SCEL: variants seen among roughly 807,000 people sequenced by gnomAD.
SCEL encodes the protein sciellin.
In SCEL, 113 loss-of-function variants were observed where a neutral mutation model predicts 117.6. The observed-to-expected ratio is 0.96, with a 90% CI of 0.83 to 1.12. The LOEUF is 1.12. SCEL is among the 50% of genes most tolerant of loss of function. The pLI, the probability that SCEL is intolerant of heterozygous loss-of-function variation, is 0.00. For missense variants in SCEL, 785 were observed against 810.8 expected (o/e 0.97, Z 0.39); for synonymous variants, 270 against 256.2 (o/e 1.05, Z -0.51).
intron 1 of SCEL, among the ~76,000 whole-genome samples, chr13:77,553,693 G>A (rs12716720): frequency 0.44 from 67,092 of 151,286 alleles, 16,759 homozygotes; most frequent in Non-Finnish European, 0.55. Context: ...CCAACCATAC[G>A]TCTCCTATGT....
intron 2 of SCEL, 63 bp downstream of exon 2, chr13:77,555,981 A>T (rs1402150919): frequency 2.4e-6 from 3 of 1,234,514 alleles, no homozygotes; most frequent in South Asian, 2.4e-5. Flanking sequence ...CAACTCACAG[A>T]TCTCAATTCT....
intron 15 of SCEL, among the ~76,000 whole-genome samples, chr13:77,600,254 G>A (rs192377193): frequency 1.3e-5 from 2 of 152,054 alleles, no homozygotes; most frequent in East Asian, 1.9e-4. Context: ...CCAGCCTTCC[G>A]AGTAGCTGGG....
chr13:77,545,453 C>A (rs1351836383), intron 1 of SCEL, among the ~76,000 whole-genome samples: 1 of 152,088 alleles, frequency 6.6e-6, no homozygotes, highest in Non-Finnish European at 1.5e-5. Flanking sequence ...CTAATCCATT[C>A]CACAAAAGGG....
chr13:77,550,162 G>GGC (rs2084225649), intron 1 of SCEL, among the ~76,000 whole-genome samples: 1 of 151,812 alleles, frequency 6.6e-6, no homozygotes, highest in African/African-American at 2.4e-5. Flanking sequence ...GAGGCAGGTG[G>GGC]ATGGCTTGAG....
intron 5 of SCEL, among the ~76,000 whole-genome samples, chr13:77,565,464 T>C (rs1482268224): frequency 6.6e-6 from 1 of 152,186 alleles, no homozygotes; most frequent in Non-Finnish European, 1.5e-5. Context: ...ACTTTAGTGG[T>C]ATGTTTGGGC....
intron 11 of SCEL, among the ~76,000 whole-genome samples, chr13:77,593,259 AGTGTGTGTGTGTGTGT>A (rs4052543): frequency 3.6e-5 from 4 of 111,108 alleles, no homozygotes; most frequent in African/African-American, 1.3e-4. Flanking sequence ...AACAGAGGGG[AGTGTGTGTGTGTGTGT>A]GTGTGTGTGT....
intron 1 of SCEL, among the ~76,000 whole-genome samples, chr13:77,536,853 A>G (rs1184670134): frequency 6.6e-6 from 1 of 152,222 alleles, no homozygotes; most frequent in Non-Finnish European, 1.5e-5. Flanking sequence ...AGGGGGTTAG[A>G]CACACCAGTG....
In SCEL at chr13:77,609,955, T is replaced by C. The variant is rs1594111847; in HGVS notation, c.1278-92T>C. 3 of 658,214 alleles carry C rather than the reference T, an allele frequency of 4.6e-6. No homozygotes were observed. The East Asian group carries it at 1.1e-4, about 25-fold the overall frequency. The allele number at this position is 658,214 out of a possible 1,614,324, so 40.8% of individuals were successfully genotyped here. A position where few individuals can be genotyped will look rare whatever the true frequency, so the allele number is the denominator to read the frequency against. ...TCTCTAATTTTATTATTTTAATAAA[T>C]ATTTTATAATAAAAGTATTTCTCTG... is the stretch of plus-strand genomic sequence containing the variant. On this transcript the variant is annotated intron_variant, in intron 21 of 32. Coordinates refer to ENST00000349847, the MANE Select transcript of SCEL (RefSeq NM_144777.3).
At chr13:77,607,955 T>C (rs1424408192) in intron 19 of SCEL, 101 bp from the exon 20 acceptor site, 41 of 888,010 alleles carry the variant, frequency 4.6e-5, no homozygotes, top group Non-Finnish European at 6.8e-5. Context: ...AATGAGTGTT[T>C]ACACTGCTTC....
intron 9 of SCEL, among the ~76,000 whole-genome samples, chr13:77,578,111 G>A (rs906107345): frequency 2.0e-5 from 3 of 152,154 alleles, no homozygotes; most frequent in African/African-American, 7.2e-5. Context: ...CATCAAAGCT[G>A]TCATGGACCT....
intron 11 of SCEL, among the ~76,000 whole-genome samples, chr13:77,593,302 G>GCGCGTC (rs1195018660): frequency 2.7e-5 from 4 of 147,180 alleles, no homozygotes; most frequent in East Asian, 2.0e-4. Context: ...GTGTGTCTGT[G>GCGCGTC]TGTGTGTGTG....
At chr13:77,589,871 CAA>C (rs2086771913) in intron 10 of SCEL, among the ~76,000 whole-genome samples, 1 of 152,148 alleles carries the variant, frequency 6.6e-6, no homozygotes, top group South Asian at 2.1e-4. Context: ...TACTTGGAAA[CAA>C]ATTCAGAGAT....
intron 27 of SCEL, among the ~76,000 whole-genome samples, chr13:77,619,992 G>A (rs2089320689): frequency 6.6e-6 from 1 of 152,082 alleles, no homozygotes; most frequent in African/African-American, 2.4e-5. Context: ...AAGTTAGTTT[G>A]TATTTCAGCA....
rs2085900379 is a variant in SCEL at position 77,575,681 on chromosome 13, G to C, written c.545+3492G>C. ...ATAACAGCAAGACATGGCATGTAAA[G>C]TTTTTAATTTAAATAAAACCTTTGG... On this transcript the variant is annotated intron_variant, in intron 9 of 32. Coordinates refer to ENST00000349847, the MANE Select transcript of SCEL (RefSeq NM_144777.3). Among the ~76,000 whole-genome samples the C allele has an allele frequency of 4.6e-5, 7 of 152,244 alleles. No individual in the cohort carries two copies. The South Asian group carries it at 1.5e-3, about 32-fold the overall frequency.
At chr13:77,631,059 CT>C (rs1307962411) in intron 28 of SCEL, among the ~76,000 whole-genome samples, 1 of 152,124 alleles carries the variant, frequency 6.6e-6, no homozygotes, top group Non-Finnish European at 1.5e-5. Flanking sequence ...AGAGGTTGGA[CT>C]TCCCAACCTC....
chr13:77,592,698 A>G (rs563397958), intron 11 of SCEL, among the ~76,000 whole-genome samples: 1 of 151,722 alleles, frequency 6.6e-6, no homozygotes, highest in East Asian at 1.9e-4. Context: ...AGTTGGGACT[A>G]CGCGCACAGG....
chr13:77,561,755 G>A (rs1001550315), intron 4 of SCEL, among the ~76,000 whole-genome samples: 1 of 152,194 alleles, frequency 6.6e-6, no homozygotes, highest in Non-Finnish European at 1.5e-5. Context: ...GAAAAGAGGG[G>A]AGACTAACTC....
intron 30 of SCEL, among the ~76,000 whole-genome samples, chr13:77,639,032 C>G (rs1998518): frequency 0.92 from 140,210 of 152,108 alleles, 64,679 homozygotes; most frequent in South Asian, 0.97. Flanking sequence ...GTATTCCACT[C>G]TGCATTTCAA....
intron 3 of SCEL, among the ~76,000 whole-genome samples, chr13:77,558,580 G>A (rs1367844113): frequency 3.9e-5 from 6 of 152,172 alleles, no homozygotes; most frequent in African/African-American, 9.6e-5. Flanking sequence ...TTGGGAGGCC[G>A]AGGCGAGCAA....
Sources: allele counts gnomAD v4.1 joint callset (sites outside exome capture counted in the v4.1 genomes callset), GRCh38; gene constraint gnomAD v4.1.1; transcripts MANE v1.5; gene names NCBI Gene and HGNC (gene_info 2026-07-23, HGNC 2026-07-21).